SLC25A32: variants seen among roughly 807,000 people sequenced by gnomAD.
SLC25A32 encodes Glycine auxotroph B, complementation of hamster.
In SLC25A32, 32 loss-of-function variants were observed where a neutral mutation model predicts 39.0. The observed-to-expected ratio is 0.82, with a 90% CI of 0.62 to 1.10. SLC25A32 has a LOEUF of 1.10. SLC25A32 is among the 50% of genes least tolerant of loss of function. The pLI, the probability that SLC25A32 is intolerant of heterozygous loss-of-function variation, is 0.00. For synonymous variants in SLC25A32, 166 were observed against 152.4 expected, an observed-to-expected ratio of 1.09 and a Z score of -0.66; for missense variants, 367 against 395.3, an observed-to-expected ratio of 0.93 and a Z score of 0.61.
intron 1 of SLC25A32, among the ~76,000 whole-genome samples, chr8:103,411,708 T>C (rs1328243587): frequency 6.6e-6 from 1 of 152,150 alleles, no homozygotes; most frequent in African/African-American, 2.4e-5. Flanking sequence ...CAAATAGGGG[T>C]GGTGTCTCAA....
At chr8:103,404,473 T>C (rs931168309) in intron 3 of SLC25A32, among the ~76,000 whole-genome samples, 2 of 152,212 alleles carry the variant, frequency 1.3e-5, no homozygotes, top group African/African-American at 2.4e-5. Context: ...CACGTGTCTG[T>C]AGTCCCAGCT....
intron 3 of SLC25A32, among the ~76,000 whole-genome samples, chr8:103,404,158 A>C (rs1280250248): frequency 6.6e-6 from 1 of 152,222 alleles, no homozygotes; most frequent in Non-Finnish European, 1.5e-5. Context: ...TATAATTTGA[A>C]AATTAAAATT....
At chr8:103,402,751 A>C (rs939645628) in intron 4 of SLC25A32, 8 of 152,460 alleles carry the variant, frequency 5.2e-5, no homozygotes, top group African/African-American at 1.7e-4. Flanking sequence ...TTATTTTTAA[A>C]TTTATGTAAG....
At chr8:103,413,044 GATCTTT>G (rs969108613) in intron 1 of SLC25A32, among the ~76,000 whole-genome samples, 10 of 152,210 alleles carry the variant, frequency 6.6e-5, no homozygotes, top group African/African-American at 2.4e-4. Flanking sequence ...TCCACTCCTG[GATCTTT>G]AATTTAGGCC....
At position 103,403,257 on chromosome 8, in the gene SLC25A32, A is replaced by G; in HGVS notation, c.459T>C (p.Asp153=). The G allele has an allele frequency of 6.2e-7, 1 of 1,613,128 alleles. No individual in the cohort carries two copies. The highest frequency in any genetic ancestry group is 8.5e-7 in the Non-Finnish European group (1 of 1,179,270). Residue 153 remains aspartate, a synonymous_variant, in exon 4 of 7, where the codon GAT becomes GAC. Transcript: ENST00000297578. ...VTKTRLMLQY[D]AVVNSPHRQY... is the part of the protein sequence containing the mutation. ...GTCGGTGTGGGGAGTTAACAACAGC[A>G]TCATACTGTAACATAAGGCGAGTTT...
At chr8:103,402,152 A>T in intron 4 of SLC25A32, 98 bp from the exon 5 acceptor site, 1 of 723,942 alleles carries the variant, frequency 1.4e-6, no homozygotes, top group Non-Finnish European at 2.2e-6. Context: ...ACAGCACTTT[A>T]AGCAAATTCA....
chr8:103,405,444 T>G (rs1052324081), intron 2 of SLC25A32, among the ~76,000 whole-genome samples: 1 of 152,102 alleles, frequency 6.6e-6, no homozygotes, highest in South Asian at 2.1e-4. Flanking sequence ...AGGCACAGTT[T>G]CAACAAGGAA....
chr8:103,402,477 G>A (rs559092584), intron 4 of SLC25A32: 1 of 152,172 alleles, frequency 6.6e-6, no homozygotes, highest in Non-Finnish European at 1.5e-5. Flanking sequence ...TTGCTTATAG[G>A]TCAGTAAAAT....
Position 103,414,408 on chromosome 8 carries a change from C to A in SLC25A32, c.154+376G>T, listed in dbSNP as rs1442714758. Among the ~76,000 whole-genome samples, 6 of 152,332 alleles carry A rather than the reference C, an allele frequency of 3.9e-5. No individual in the cohort carries two copies. The East Asian group carries it at 9.6e-4, about 24-fold the overall frequency. On this transcript the variant is annotated intron_variant, in intron 1 of 6. Transcript: ENST00000297578. Reference sequence around the variant, plus strand: ...TCCCAATACTAGTCGAGCTGCCAAACCACGTGGGTATGCTAAGATTTCAAA... The same window carrying A: ...TCCCAATACTAGTCGAGCTGCCAAAACACGTGGGTATGCTAAGATTTCAAA...
chr8:103,400,293 C>T lies in SLC25A32; in HGVS notation c.*118G>A. 8.2e-7 allele frequency: 1 copy of T among 1,220,642 alleles called. No individual in the cohort carries two copies. The highest frequency in any genetic ancestry group is 1.2e-6 in the Non-Finnish European group (1 of 854,442). 75.6% of individuals were successfully genotyped at this position (1,220,642 alleles called of 1,614,324 possible). A position where few individuals can be genotyped will look rare whatever the true frequency, so the allele number is the denominator to read the frequency against. On this transcript the variant is annotated 3_prime_UTR_variant, in exon 7 of 7. Coordinates refer to ENST00000297578, the MANE Select transcript of SLC25A32 (RefSeq NM_030780.5). ...TTAGCAGTTCTCTGGCTTCTAATGA[C>T]TATAGAGCAATTTCGAATATGAGCC...
intron 4 of SLC25A32, 82 bp from the exon 5 acceptor site, chr8:103,402,136 C>T: frequency 2.4e-6 from 2 of 850,400 alleles, no homozygotes; most frequent in Non-Finnish European, 3.6e-6. Context: ...TCTCTTCTCT[C>T]TCATTACAGC....
rs1816191560 is a variant in SLC25A32, at chr8:103,400,404, T to C, written c.*7A>G. Reference sequence around the variant, plus strand: ...GGGCAGATATACTGGAATTGTCCTCTTTGAGCTTACTTTCTCTTTTCTCTA... The same window carrying C: ...GGGCAGATATACTGGAATTGTCCTCCTTGAGCTTACTTTCTCTTTTCTCTA... On this transcript the variant is annotated 3_prime_UTR_variant, in exon 7 of 7. Transcript: ENST00000297578. 1.9e-6 allele frequency: 3 copies of C among 1,614,014 alleles called. No homozygotes were observed. The highest frequency in any genetic ancestry group is 1.7e-5 in the Admixed American group (1 of 60,002).
Position 103,412,684 on chromosome 8 carries a change from T to C in SLC25A32, c.154+2100A>G, listed in dbSNP as rs976689004. 5.3e-5 allele frequency among the ~76,000 whole-genome samples: 8 copies of C among 152,212 alleles called. No individual in the cohort carries two copies. The South Asian group carries it at 6.2e-4, about 12-fold the overall frequency. On this transcript the variant is annotated intron_variant, in intron 1 of 6. Coordinates refer to ENST00000297578, the MANE Select transcript of SLC25A32 (RefSeq NM_030780.5). ...TTCTCTAAATATCTTGAGGTTTTTT[T>C]CTCTCCCGAGCTAAACTAGTTCCTC...
intron 1 of SLC25A32, 82 bp from the exon 2 acceptor site, chr8:103,407,866 G>T: frequency 8.7e-7 from 1 of 1,143,920 alleles, no homozygotes; most frequent in Non-Finnish European, 1.2e-6. Flanking sequence ...TGTACAATTG[G>T]TTATATAAAG....
At chr8:103,409,070 T>TA (rs1816401760) in intron 1 of SLC25A32, among the ~76,000 whole-genome samples, 1 of 152,286 alleles carries the variant, frequency 6.6e-6, no homozygotes, top group African/African-American at 2.4e-5. Flanking sequence ...GAGGGGTAGT[T>TA]AAAAGGACTA....
chr8:103,401,864 A>C (rs1469544834), intron 5 of SLC25A32, 77 bp downstream of exon 5: 1 of 1,219,828 alleles, frequency 8.2e-7, no homozygotes, highest in African/African-American at 1.5e-5. Flanking sequence ...CTACCACCAA[A>C]GTAAGCATGA....
At position 103,414,941 on chromosome 8, in the gene SLC25A32, C is replaced by G. The variant is rs756176285; in HGVS notation, c.-4G>C. ...CCGACTGGCCCTGGCCCGTCATAGGCTCGGGGCCCGTCGACACCACGGCGC... is the reference window on the plus strand; with the variant it reads ...CCGACTGGCCCTGGCCCGTCATAGGGTCGGGGCCCGTCGACACCACGGCGC... On this transcript the variant is annotated 5_prime_UTR_variant, in exon 1 of 7. Transcript: ENST00000297578. The G allele has an allele frequency of 1.9e-6, 3 of 1,598,842 alleles. No individual in the cohort carries two copies. The highest frequency in any genetic ancestry group is 2.6e-6 in the Non-Finnish European group (3 of 1,173,222).
intron 1 of SLC25A32, among the ~76,000 whole-genome samples, chr8:103,411,629 C>A (rs182549818): frequency 4.6e-4 from 70 of 152,268 alleles, no homozygotes; most frequent in African/African-American, 1.7e-3. Context: ...TGCTTCTTTG[C>A]CAATAAATTT....
At position 103,402,043 on chromosome 8, in the gene SLC25A32, A is replaced by T; in HGVS notation, c.564T>A (p.Pro188=). The part of the protein sequence containing the change: ...GVRGLYKGFV[P]GLFGTSHGAL... ...CACCATGCGATGTTCCAAACAGCCCAGGAACAAATCCCTACAAGGGAATGA... is the reference window on the plus strand; with the variant it reads ...CACCATGCGATGTTCCAAACAGCCCTGGAACAAATCCCTACAAGGGAATGA... Residue 188 remains proline (P), a synonymous_variant, in exon 5 of 7, where the codon CCT becomes CCA. Transcript: ENST00000297578. The T allele has an allele frequency of 1.2e-6, 2 of 1,609,472 alleles. No homozygotes were observed. The highest frequency in any genetic ancestry group is 1.7e-6 in the Non-Finnish European group (2 of 1,177,788).
Sources: gnomAD v4.1 joint callset for allele counts (sites outside exome capture counted in the v4.1 genomes callset) on GRCh38, gnomAD v4.1.1 for gene constraint, MANE v1.5 for transcripts, NCBI Gene and HGNC (gene_info 2026-07-23, HGNC 2026-07-21) for gene names.